The following CSMD3 variants were observed in gnomAD, a reference collection of about 807,000 sequenced individuals.
CSMD3 encodes the protein CUB and sushi domain-containing protein 3.
In CSMD3, 177 loss-of-function variants were observed where a neutral mutation model predicts 435.2. That is an observed-to-expected ratio of 0.41 (90% CI 0.36 to 0.46). The LOEUF is 0.46. Among genes scored for constraint, CSMD3 ranks in the 20% least tolerant of loss-of-function variants. The pLI is 0.34. For synonymous variants in CSMD3, 1,656 were observed against 1,520.5 expected (o/e 1.09, Z -2.07); for missense variants, 4,265 against 4,504.6 (o/e 0.95, Z 1.52).
intron 13 of CSMD3, among the ~76,000 whole-genome samples, chr8:112,722,829 T>G (rs1291814527): frequency 6.6e-6 from 1 of 152,160 alleles, no homozygotes; most frequent in Non-Finnish European, 1.5e-5. Flanking sequence ...ATGAAACATA[T>G]GATGTGTCAC....
At chr8:112,823,382 G>C (rs569775248) in intron 12 of CSMD3, among the ~76,000 whole-genome samples, 1 of 151,746 alleles carries the variant, frequency 6.6e-6, no homozygotes, top group Non-Finnish European at 1.5e-5. Context: ...ATGTGTCCAG[G>C]AATTTTTCCA....
chr8:112,981,232 A>G (rs1564174905), intron 6 of CSMD3, among the ~76,000 whole-genome samples: 1 of 151,366 alleles, frequency 6.6e-6, no homozygotes, highest in Non-Finnish European at 1.5e-5. Context: ...AAATTATGAA[A>G]TGACAATGCA....
chr8:113,376,643 G>T, intron 1 of CSMD3: 2 of 1,402,742 alleles, frequency 1.4e-6, no homozygotes, highest in Non-Finnish European at 2.0e-6. Context: ...TCTCTTTCCA[G>T]ACCTGGCCAG....
rs1418280452 is a variant in CSMD3 at position 112,353,117 on chromosome 8, G to A, written c.6137-583C>T. 2.6e-5 allele frequency among the ~76,000 whole-genome samples: 4 copies of A among 152,108 alleles called. No individual in the cohort carries two copies. In the East Asian group the frequency reaches 7.7e-4, roughly 29 times the overall value. On this transcript the variant is annotated intron_variant, in intron 38 of 70. Transcript: ENST00000297405. ...TATAATCAAAAAGGAGAGGCCAAGT[G>A]CGGTGGTTCATGCCTGTAATCCCAG...
chr8:112,777,545 A>G (rs1025994125), intron 13 of CSMD3, among the ~76,000 whole-genome samples: 4 of 151,838 alleles, frequency 2.6e-5, no homozygotes, highest in African/African-American at 9.7e-5. Flanking sequence ...AGATAATTCA[A>G]TTTGAGTTTC....
At chr8:112,313,756 A>T in intron 49 of CSMD3, 150 bp downstream of exon 49, 1 of 618,560 alleles carries the variant, frequency 1.6e-6, no homozygotes, top group Non-Finnish European at 2.9e-6. Context: ...TACAATAGGA[A>T]ATAGAGAGGT....
intron 4 of CSMD3, among the ~76,000 whole-genome samples, chr8:113,144,130 A>T (rs545001795): frequency 6.6e-6 from 1 of 150,704 alleles, no homozygotes; most frequent in South Asian, 2.1e-4. Flanking sequence ...CTTATTATTT[A>T]TAAACCTGCC....
At chr8:113,398,430 AT>A (rs2094494127) in intron 1 of CSMD3, among the ~76,000 whole-genome samples, 1 of 152,182 alleles carries the variant, frequency 6.6e-6, no homozygotes, top group African/African-American at 2.4e-5. Flanking sequence ...CTATAGTGTA[AT>A]ATCTGGAAAA....
At chr8:112,724,703 T>C (rs1217254773) in intron 13 of CSMD3, among the ~76,000 whole-genome samples, 1 of 152,032 alleles carries the variant, frequency 6.6e-6, no homozygotes, top group East Asian at 1.9e-4. Context: ...TGCATACATA[T>C]GTGGCATTTA....
At chr8:112,763,076 T>C (rs1469765218) in intron 13 of CSMD3, among the ~76,000 whole-genome samples, 3 of 151,794 alleles carry the variant, frequency 2.0e-5, no homozygotes, top group African/African-American at 7.2e-5. Flanking sequence ...GATAACATTG[T>C]GAGGTAACAT....
At chr8:113,065,549 G>T (rs990977484) in intron 5 of CSMD3, among the ~76,000 whole-genome samples, 1 of 151,962 alleles carries the variant, frequency 6.6e-6, no homozygotes, top group Non-Finnish European at 1.5e-5. Flanking sequence ...ACCACGCCTG[G>T]CTAATTTTTT....
intron 23 of CSMD3, among the ~76,000 whole-genome samples, chr8:112,579,196 A>G (rs1260577666): frequency 6.6e-6 from 1 of 152,114 alleles, no homozygotes; most frequent in Non-Finnish European, 1.5e-5. Context: ...ATTAAATAAT[A>G]GTTTTCAAAT....
rs2086970562 is a variant in CSMD3, at chr8:113,028,757, T to C, written c.918-9578A>G. Among the ~76,000 whole-genome samples the C allele has an allele frequency of 7.3e-5, 11 of 151,464 alleles. No individual in the cohort carries two copies. In the South Asian group the frequency reaches 2.3e-3, roughly 32 times the overall value. On this transcript the variant is annotated intron_variant, in intron 5 of 70. Coordinates refer to ENST00000297405, the MANE Select transcript of CSMD3 (RefSeq NM_198123.2). ...AATACTAAGATAAATGAGGAAGCTGTAGAACAAAAAATCTGAAGCTATCAG... is the reference window on the plus strand; with the variant it reads ...AATACTAAGATAAATGAGGAAGCTGCAGAACAAAAAATCTGAAGCTATCAG...
intron 8 of CSMD3, among the ~76,000 whole-genome samples, chr8:112,953,559 T>C (rs748507154): frequency 6.6e-6 from 1 of 151,424 alleles, no homozygotes; most frequent in African/African-American, 2.4e-5. Context: ...ATATCTCTTC[T>C]GGTTTTGGAT....
intron 1 of CSMD3, among the ~76,000 whole-genome samples, chr8:113,416,545 T>C (rs373823365): frequency 2.0e-5 from 3 of 152,240 alleles, no homozygotes; most frequent in South Asian, 4.1e-4. Context: ...ATCACCCACC[T>C]GTTACCTCCA....
chr8:113,251,658 T>C (rs553994955), intron 3 of CSMD3, among the ~76,000 whole-genome samples: 4 of 152,002 alleles, frequency 2.6e-5, no homozygotes, highest in Non-Finnish European at 5.9e-5. Context: ...TAACCAAAAA[T>C]ACTTCCCTTA....
At chr8:113,383,927 A>G (rs2133117073) in intron 1 of CSMD3, among the ~76,000 whole-genome samples, 1 of 152,266 alleles carries the variant, frequency 6.6e-6, no homozygotes, top group South Asian at 2.1e-4. Flanking sequence ...ACCCCCTACC[A>G]AAACATTCTC....
intron 1 of CSMD3, among the ~76,000 whole-genome samples, chr8:113,368,861 G>A (rs886362074): frequency 6.6e-6 from 1 of 151,948 alleles, no homozygotes; most frequent in Non-Finnish European, 1.5e-5. Flanking sequence ...TCCAATGAAG[G>A]TAATGTTTTC....
intron 13 of CSMD3, among the ~76,000 whole-genome samples, chr8:112,749,567 C>CA (rs1563923378): frequency 6.6e-6 from 1 of 151,760 alleles, no homozygotes; most frequent in East Asian, 1.9e-4. Flanking sequence ...ACGTAAAACC[C>CA]AAAAAAATAT....
Sources: allele counts gnomAD v4.1 joint callset (sites outside exome capture counted in the v4.1 genomes callset), GRCh38; gene constraint gnomAD v4.1.1; transcripts MANE v1.5; gene names NCBI Gene and HGNC (gene_info 2026-07-23, HGNC 2026-07-21).